The following PLEKHG1 variants were observed in gnomAD, a reference collection of about 807,000 sequenced individuals.
PLEKHG1 encodes the protein pleckstrin homology and RhoGEF domain containing G1, also known as pleckstrin homology domain-containing family G member 1.
A neutral mutation model predicts 100.8 loss-of-function variants in PLEKHG1; 44 were observed. The ratio of observed to expected loss-of-function variants is 0.44; its 90% CI spans 0.34 to 0.56. The LOEUF is 0.56. Ranked by LOEUF, PLEKHG1 falls within the 20% of genes least tolerant of loss-of-function variation. The probability of loss-of-function intolerance (pLI) is 0.01; values close to 1 mark genes in which losing one functional copy is unlikely to be tolerated. For synonymous variants in PLEKHG1, 640 were observed against 662.5 expected (o/e 0.97, Z 0.52); for missense variants, 1,545 against 1,720.9 (o/e 0.90, Z 1.81).
intron 4 of PLEKHG1, among the ~76,000 whole-genome samples, chr6:150,787,241 T>C (rs560040842): frequency 1.3e-5 from 2 of 152,276 alleles, no homozygotes; most frequent in African/African-American, 4.8e-5. Context: ...ATTTTAAAAA[T>C]GTACTCTTCC....
In PLEKHG1 at chr6:150,750,780, CAAAA is replaced by C. The variant is rs1158670858; in HGVS notation, c.411+16708_411+16711del. Reference sequence around the variant, plus strand: ...TGGGCGACAGAGCGAGACTCCATCTCAAAAAAAAAAAAAAAAAAAAAAAGGCGGC... The same window carrying C: ...TGGGCGACAGAGCGAGACTCCATCTCAAAAAAAAAAAAAAAAAAAGGCGGC... On this transcript the variant is annotated intron_variant, in intron 2 of 15. Transcript: ENST00000358517. Among the ~76,000 whole-genome samples the C allele has an allele frequency of 9.1e-3, 342 of 37,378 alleles. 2 individuals are homozygous for C. The highest frequency in any genetic ancestry group is 0.031 in the African/African-American group (311 of 9,898). The allele number at this position is 37,378 out of a possible 152,430, so 24.5% of individuals were successfully genotyped here.
chr6:150,809,564 C>A, intron 9 of PLEKHG1, 84 bp from the exon 11 acceptor site: 2 of 1,485,580 alleles, frequency 1.3e-6, no homozygotes, highest in Non-Finnish European at 1.9e-6. Flanking sequence ...AGCGTTCTGG[C>A]CACATGGTCA....
chr6:150,733,541 G>A, intron 1 of PLEKHG1, 43 bp from the exon 3 acceptor site: 1 of 1,501,264 alleles, frequency 6.7e-7, no homozygotes, highest in Non-Finnish European at 8.9e-7. Context: ...CTGCTTGATA[G>A]AATTGCTTAT....
At chr6:150,815,030 G>A (rs78746892) in intron 10 of PLEKHG1, among the ~76,000 whole-genome samples, 42 of 151,984 alleles carry the variant, frequency 2.8e-4, no homozygotes, top group African/African-American at 7.7e-4. Flanking sequence ...CCTCAAACAC[G>A]CTTGTCTAAT....
In PLEKHG1 at chr6:150,694,525, C is replaced by A. The variant is rs1342857937; in HGVS notation, c.-98-39059C>A. 7.9e-5 allele frequency among the ~76,000 whole-genome samples: 12 copies of A among 151,918 alleles called. No individual in the cohort carries two copies. The East Asian group carries it at 1.7e-3, about 22-fold the overall frequency. On this transcript the variant is annotated intron_variant, in intron 3 of 3. Coordinates refer to the PLEKHG1 transcript ENST00000367326. ...GACCAGCCTTGTCAACATGGTGAAA[C>A]CCCGTCTCTACTAAAAATACAAAAA...
intron 1 of PLEKHG1, among the ~76,000 whole-genome samples, chr6:150,621,763 C>T (rs1205364637): frequency 2.6e-5 from 4 of 151,850 alleles, no homozygotes; most frequent in African/African-American, 7.3e-5. Context: ...AGCAATAACA[C>T]GGACCATTAG....
upstream of PLEKHG1, among the ~76,000 whole-genome samples, chr6:150,716,125 A>G (rs1469178310): frequency 6.6e-6 from 1 of 151,674 alleles, no homozygotes; most frequent in Non-Finnish European, 1.5e-5. Context: ...AAAAAAAAGA[A>G]AAGAAAATGT....
At chr6:150,813,306 A>AC (rs1198018819) in intron 10 of PLEKHG1, among the ~76,000 whole-genome samples, 1 of 149,424 alleles carries the variant, frequency 6.7e-6, no homozygotes, top group African/African-American at 2.5e-5. Context: ...CTCTGTCTCA[A>AC]AAAAAAAAAA....
At chr6:150,778,534 C>CA (rs1785118189) in intron 3 of PLEKHG1, among the ~76,000 whole-genome samples, 1 of 152,162 alleles carries the variant, frequency 6.6e-6, no homozygotes, top group African/African-American at 2.4e-5. Flanking sequence ...CACCCTCGCC[C>CA]AGCCTCAGTT....
chr6:150,618,532 C>T (rs4869922), intron 1 of PLEKHG1, among the ~76,000 whole-genome samples: 12,092 of 152,194 alleles, frequency 0.079, 554 homozygotes, highest in Non-Finnish European at 0.1. Context: ...TGCAGTATTG[C>T]ACCGTTTGTC....
chr6:150,804,740 A>G, exon 7 of PLEKHG1: 1 of 1,611,802 alleles, frequency 6.2e-7, no homozygotes, highest in Non-Finnish European at 8.5e-7. Context: ...GTCCGGTTAC[A>G]GGTGAGCCCG....
intron 4 of PLEKHG1, among the ~76,000 whole-genome samples, chr6:150,787,431 T>C (rs1785692587): frequency 6.6e-6 from 1 of 152,234 alleles, no homozygotes; most frequent in South Asian, 2.1e-4. Context: ...GCCTAGTATA[T>C]AGAGATTTCT....
intron 3 of PLEKHG1, among the ~76,000 whole-genome samples, chr6:150,784,678 A>G (rs961174326): frequency 6.6e-6 from 1 of 152,196 alleles, no homozygotes; most frequent in African/African-American, 2.4e-5. Context: ...AAAGCATAGA[A>G]TATCTGATAT....
At chr6:150,635,804 G>A (rs1021591333) in intron 1 of PLEKHG1, among the ~76,000 whole-genome samples, 5 of 151,964 alleles carry the variant, frequency 3.3e-5, no homozygotes, top group South Asian at 2.1e-4. Flanking sequence ...TTAAAAAAAC[G>A]AAACCTGATA....
chr6:150,602,837 TTAAA>T (rs1395636347), intron 1 of PLEKHG1, among the ~76,000 whole-genome samples: 1 of 152,120 alleles, frequency 6.6e-6, no homozygotes, highest in African/African-American at 2.4e-5. Flanking sequence ...ATATTTTTAA[TTAAA>T]TGTAATGGTT....
intron 10 of PLEKHG1, among the ~76,000 whole-genome samples, chr6:150,810,483 A>AGAAG (rs1233763661): frequency 1.8e-5 from 2 of 112,728 alleles, no homozygotes; most frequent in African/African-American, 3.0e-5. Flanking sequence ...AAAGAAAGAA[A>AGAAG]GAAGGAAGGA....
chr6:150,693,504 G>A (rs1210798010), intron 3 of PLEKHG1, among the ~76,000 whole-genome samples: 4 of 152,150 alleles, frequency 2.6e-5, no homozygotes, highest in African/African-American at 9.7e-5. Flanking sequence ...AATAATCTCT[G>A]AATTCCCTGG....
chr6:150,769,229 TTAAAA>T (rs1384339710), intron 3 of PLEKHG1, among the ~76,000 whole-genome samples: 1 of 151,756 alleles, frequency 6.6e-6, no homozygotes, highest in East Asian at 1.9e-4. Flanking sequence ...GGCTAGAAAA[TTAAAA>T]TAGTAAACAA....
chr6:150,677,008 A>G (rs1779778289), intron 3 of PLEKHG1, among the ~76,000 whole-genome samples: 1 of 151,230 alleles, frequency 6.6e-6, no homozygotes, highest in Admixed American at 6.6e-5. Flanking sequence ...CCACCACCTC[A>G]TCAATTCTCA....
Sources: allele counts gnomAD v4.1 joint callset (sites outside exome capture counted in the v4.1 genomes callset), GRCh38; gene constraint gnomAD v4.1.1; transcripts MANE v1.5; gene names NCBI Gene and HGNC (gene_info 2026-07-23, HGNC 2026-07-21).